RABGAP1L: variants seen among roughly 807,000 people sequenced by gnomAD.
RABGAP1L encodes RAB GTPase activating protein 1 like, also known as rab GTPase-activating protein 1-like.
Under a neutral mutation model 137.7 loss-of-function variants are expected in RABGAP1L, and 63 were observed. That is an observed-to-expected ratio of 0.46 (90% confidence interval 0.37 to 0.56). The LOEUF (loss-of-function observed/expected upper bound fraction) is 0.56. Among genes scored for constraint, RABGAP1L ranks in the 20% least tolerant of loss-of-function variants. RABGAP1L has a pLI of 0.00. For missense variants in RABGAP1L, 1,095 were observed against 1,244.0 expected (o/e 0.88, Z 1.80); for synonymous variants, 431 against 433.7 (o/e 0.99, Z 0.08).
chr1:174,695,845 G>C (rs1045804111), intron 15 of RABGAP1L, among the ~76,000 whole-genome samples: 1 of 152,216 alleles, frequency 6.6e-6, no homozygotes, highest in Non-Finnish European at 1.5e-5. Context: ...AAATAATGCT[G>C]CAATTTTTGC....
intron 13 of RABGAP1L, among the ~76,000 whole-genome samples, chr1:174,581,292 A>C (rs1668727032): frequency 1.3e-5 from 2 of 152,242 alleles, no homozygotes; most frequent in Non-Finnish European, 2.9e-5. Flanking sequence ...AGTGCTGAAG[A>C]AATAACTCAT....
intron 13 of RABGAP1L, among the ~76,000 whole-genome samples, chr1:174,624,351 T>C (rs1011165248): frequency 6.6e-6 from 1 of 152,246 alleles, no homozygotes; most frequent in African/African-American, 2.4e-5. Context: ...GCTGTTAGCA[T>C]ATATTTCTTT....
intron 11 of RABGAP1L, among the ~76,000 whole-genome samples, chr1:174,354,735 C>A (rs890705789): frequency 3.3e-5 from 5 of 152,120 alleles, no homozygotes; most frequent in African/African-American, 1.2e-4. Flanking sequence ...AGTCCTTGCC[C>A]ATGCCTATGT....
intron 19 of RABGAP1L, among the ~76,000 whole-genome samples, chr1:174,852,387 C>T (rs1052949330): frequency 6.6e-6 from 1 of 152,160 alleles, no homozygotes; most frequent in African/African-American, 2.4e-5. Context: ...GATGCTTTTT[C>T]TTTTTGCCAG....
intron 14 of RABGAP1L, among the ~76,000 whole-genome samples, chr1:174,643,741 G>A (rs1017144375): frequency 1.3e-5 from 2 of 152,004 alleles, no homozygotes; most frequent in Non-Finnish European, 2.9e-5. Flanking sequence ...GTCAGAGTTT[G>A]ATTTAGTTTT....
intron 19 of RABGAP1L, among the ~76,000 whole-genome samples, chr1:174,941,959 G>A (rs1451557983): frequency 1.3e-5 from 2 of 152,128 alleles, no homozygotes; most frequent in African/African-American, 4.8e-5. Flanking sequence ...ATAGCATGTG[G>A]CATAGTGTCT....
At chr1:174,414,102 A>G (rs1650263188) in intron 13 of RABGAP1L, among the ~76,000 whole-genome samples, 2 of 152,158 alleles carry the variant, frequency 1.3e-5, no homozygotes, top group Admixed American at 1.3e-4. Context: ...TATATATTTT[A>G]TGGCAGTAAA....
chr1:174,207,210 A>G (rs1044943752), intron 1 of RABGAP1L, among the ~76,000 whole-genome samples: 7 of 152,192 alleles, frequency 4.6e-5, no homozygotes, highest in African/African-American at 1.7e-4. Context: ...ATTGCAACAG[A>G]GCAGTCTTAA....
intron 13 of RABGAP1L, among the ~76,000 whole-genome samples, chr1:174,513,339 C>G (rs1662520507): frequency 6.6e-6 from 1 of 152,052 alleles, no homozygotes; most frequent in Non-Finnish European, 1.5e-5. Context: ...TAGCTCACGC[C>G]TGTAATTTTA....
At chr1:174,713,300 A>T (rs924818341) in intron 17 of RABGAP1L, among the ~76,000 whole-genome samples, 1 of 152,176 alleles carries the variant, frequency 6.6e-6, no homozygotes, top group Non-Finnish European at 1.5e-5. Flanking sequence ...CTACATATGT[A>T]TGTATCTCTG....
intron 19 of RABGAP1L, among the ~76,000 whole-genome samples, chr1:174,903,874 C>T (rs1161376843): frequency 1.3e-5 from 2 of 151,186 alleles, no homozygotes; most frequent in Non-Finnish European, 2.9e-5. Context: ...CGCTTGAAGC[C>T]GTGAGGTGGA....
intron 18 of RABGAP1L, among the ~76,000 whole-genome samples, chr1:174,762,301 T>G (rs1367328003): frequency 6.6e-6 from 1 of 152,218 alleles, no homozygotes; most frequent in East Asian, 1.9e-4. Flanking sequence ...TCATTTGCAC[T>G]GTCTCAATCA....
intron 11 of RABGAP1L, among the ~76,000 whole-genome samples, chr1:174,307,489 C>CT (rs747261106): frequency 6.6e-6 from 1 of 152,142 alleles, no homozygotes; most frequent in Non-Finnish European, 1.5e-5. Context: ...CTGGCAGCCA[C>CT]TAATCTGCTT....
At chr1:174,536,824 AC>A (rs1664931156) in intron 13 of RABGAP1L, among the ~76,000 whole-genome samples, 1 of 152,168 alleles carries the variant, frequency 6.6e-6, no homozygotes, top group Non-Finnish European at 1.5e-5. Context: ...ATACATTTTT[AC>A]CTTAGACCTT....
At chr1:174,223,220 A>G (rs935679432) in intron 3 of RABGAP1L, among the ~76,000 whole-genome samples, 4 of 136,940 alleles carry the variant, frequency 2.9e-5, no homozygotes, top group Non-Finnish European at 6.2e-5. Context: ...GTGAGCCAAG[A>G]CTGCACCATT....
intron 13 of RABGAP1L, among the ~76,000 whole-genome samples, chr1:174,520,130 C>T (rs551010291): frequency 2.0e-5 from 3 of 152,214 alleles, no homozygotes; most frequent in East Asian, 1.9e-4. Context: ...CTGAGGTGAG[C>T]CCTGCCGAAA....
At chr1:174,413,045 C>G (rs991052448) in intron 13 of RABGAP1L, among the ~76,000 whole-genome samples, 11 of 152,158 alleles carry the variant, frequency 7.2e-5, no homozygotes, top group Middle Eastern at 3.2e-3. Context: ...ATTATTCACT[C>G]AAATATGTTT....
intron 10 of RABGAP1L, among the ~76,000 whole-genome samples, chr1:174,284,686 C>T (rs1675898307): frequency 1.3e-5 from 2 of 149,886 alleles, no homozygotes; most frequent in Admixed American, 6.6e-5. Flanking sequence ...ACATTCCTAC[C>T]ATCAGTGTGC....
At chr1:174,303,704 C>T (rs1677940035) in intron 10 of RABGAP1L, among the ~76,000 whole-genome samples, 1 of 151,924 alleles carries the variant, frequency 6.6e-6, no homozygotes, top group Non-Finnish European at 1.5e-5. Flanking sequence ...TTTTTAGGTG[C>T]AATATTTAGA....
Sources: gnomAD v4.1 joint callset for allele counts (sites outside exome capture counted in the v4.1 genomes callset) on GRCh38, gnomAD v4.1.1 for gene constraint, MANE v1.5 for transcripts, NCBI Gene and HGNC (gene_info 2026-07-23, HGNC 2026-07-21) for gene names.